TRANK1: variants seen among roughly 807,000 people sequenced by gnomAD.
TRANK1 encodes tetratricopeptide repeat and ankyrin repeat containing 1, also known as TPR and ankyrin repeat-containing protein 1.
Under a neutral mutation model 266.0 loss-of-function variants are expected in TRANK1, and 198 were observed. The observed-to-expected ratio is 0.74, with a 90% CI of 0.66 to 0.84. TRANK1 has a LOEUF of 0.84. Ranked by LOEUF, TRANK1 falls within the 40% of genes least tolerant of loss-of-function variation. TRANK1 has a pLI of 0.00. For synonymous variants in TRANK1, 1,396 were observed against 1,384.1 expected (o/e 1.01, Z -0.19); for missense variants, 3,326 against 3,634.6 (o/e 0.92, Z 2.18).
intron 22 of TRANK1, 93 bp downstream of exon 22, chr3:36,830,780 A>C: frequency 1.5e-6 from 2 of 1,378,790 alleles, no homozygotes; most frequent in South Asian, 1.5e-5. Context: ...ACCATCCCCA[A>C]GTCAGAAGCC....
chr3:36,839,145 G>A (rs2078809825), intron 18 of TRANK1, among the ~76,000 whole-genome samples: 1 of 152,174 alleles, frequency 6.6e-6, no homozygotes, highest in Admixed American at 6.6e-5. Context: ...ACTTTGCAGT[G>A]TTGGCAGAAC....
rs1395345508 is a variant in TRANK1 at position 36,831,529 on chromosome 3, G to C, written c.8054C>G (p.Pro2685Arg). The C allele has an allele frequency of 3.7e-6, 6 of 1,613,344 alleles. No homozygotes were observed. Among genetic ancestry groups the C allele is most frequent in the South Asian group, 2.2e-5 (2 of 90,954 alleles). Residue 2685 changes from proline to arginine, a missense_variant, in exon 22 of 24, where the codon CCT (proline) becomes CGT (arginine). Pro to Arg is a moderately radical substitution (Grantham distance 103). Coordinates refer to ENST00000645898, the MANE Select transcript of TRANK1 (RefSeq NM_001329998.2). This position sits in a 1 kb window ranked among gnomAD's most constrained non-coding sequence, Gnocchi z 5.0. ...CLDPVDYFAE[P>R]ECEFGQDEMD... ...CTCATCCTGGCCAAACTCACACTCAGGTTCAGCAAAGTAGTCCACAGGGTC... is the reference window on the plus strand; with the variant it reads ...CTCATCCTGGCCAAACTCACACTCACGTTCAGCAAAGTAGTCCACAGGGTC...
chr3:36,914,446 C>A, intron 1 of TRANK1, among the ~76,000 whole-genome samples: 1 of 104,224 alleles, frequency 9.6e-6, no homozygotes, highest in Admixed American at 1.1e-4. Context: ...CAGCTGGTGT[C>A]TTCCTTTTTT....
chr3:36,874,403 G>C, intron 8 of TRANK1, 107 bp from the exon 9 acceptor site: 1 of 1,230,856 alleles, frequency 8.1e-7, no homozygotes, highest in East Asian at 2.6e-5. Flanking sequence ...CAGGGCAAGA[G>C]GACTAGGGTC....
At chr3:36,886,200 T>A (rs2079603314) in intron 8 of TRANK1, among the ~76,000 whole-genome samples, 1 of 141,756 alleles carries the variant, frequency 7.1e-6, no homozygotes, top group African/African-American at 2.6e-5. Flanking sequence ...AGTGGCACAA[T>A]CTTAGCTCAC....
At chr3:36,933,384 C>G (rs2080385915) in intron 1 of TRANK1, among the ~76,000 whole-genome samples, 1 of 152,274 alleles carries the variant, frequency 6.6e-6, no homozygotes, top group Admixed American at 6.5e-5. Flanking sequence ...TAAGAATCCT[C>G]TGTTTGAGTG....
At chr3:36,944,663 C>T (rs2080547013) in intron 1 of TRANK1, 124 bp downstream of exon 1, 2 of 1,179,838 alleles carry the variant, frequency 1.7e-6, no homozygotes, top group Non-Finnish European at 2.3e-6. Context: ...CAGGGATGGC[C>T]GGGCGGGCCC....
intron 8 of TRANK1, among the ~76,000 whole-genome samples, chr3:36,882,441 G>A (rs959554703): frequency 4.6e-5 from 7 of 152,086 alleles, no homozygotes; most frequent in Non-Finnish European, 2.9e-5. Flanking sequence ...AATAAATAGT[G>A]CAGAGACAAA....
At chr3:36,942,783 CT>C (rs1326155754) in intron 1 of TRANK1, among the ~76,000 whole-genome samples, 3 of 151,828 alleles carry the variant, frequency 2.0e-5, no homozygotes, top group Non-Finnish European at 4.4e-5. Flanking sequence ...TCTCCTCATA[CT>C]CTGGGAGAGC....
chr3:36,896,529 T>C (rs2079792932), intron 4 of TRANK1, among the ~76,000 whole-genome samples: 1 of 152,180 alleles, frequency 6.6e-6, no homozygotes, highest in African/African-American at 2.4e-5. Flanking sequence ...CAAAAAGGAG[T>C]ACTTTGGTAA....
intron 6 of TRANK1, 27 bp downstream of exon 6, chr3:36,892,874 T>TAG (rs769755298): frequency 7.6e-5 from 63 of 824,550 alleles, no homozygotes; most frequent in South Asian, 5.3e-4. Flanking sequence ...TATATATAGA[T>TAG]ATATATAGAT....
chr3:36,906,133 C>T (rs1307818554), intron 2 of TRANK1, among the ~76,000 whole-genome samples: 1 of 152,222 alleles, frequency 6.6e-6, no homozygotes, highest in Non-Finnish European at 1.5e-5. Context: ...CTAGACCCAG[C>T]TCTGACACAA....
chr3:36,945,090 C>T, upstream of TRANK1: 4 of 425,848 alleles, frequency 9.4e-6, no homozygotes, highest in Non-Finnish European at 1.7e-5. Flanking sequence ...CAAAAACTGT[C>T]ACGTGCACGT....
chr3:36,906,428 C>A (rs1004762005), intron 2 of TRANK1, among the ~76,000 whole-genome samples: 1 of 152,210 alleles, frequency 6.6e-6, no homozygotes, highest in Non-Finnish European at 1.5e-5. Flanking sequence ...GGTGAAAATA[C>A]TTTCACAGTT....
chr3:36,895,716 T>C lies in TRANK1; in HGVS notation c.476A>G (p.His159Arg), dbSNP rs754727330. Residue 159 changes from histidine (H) to arginine (R), a missense_variant, in exon 5 of 24, where the codon CAT becomes CGT. Physicochemically the swap from His to Arg is conservative, Grantham distance 29. Transcript: ENST00000645898. ...TGTTGGGAATCCAGTTGTGAAAATA[T>C]GATCAAAGCAAGGCAAGAAACTTTG... ...VLQSFLPCFD[H>R]IFTTGFPTEV... is the part of the protein sequence containing the mutation. 5.9e-6 allele frequency: 9 copies of C among 1,536,084 alleles called. No homozygotes were observed. Among genetic ancestry groups the C allele is most frequent in the South Asian group, 3.6e-5 (3 of 83,552 alleles).
intron 1 of TRANK1, among the ~76,000 whole-genome samples, chr3:36,944,069 G>A (rs2080535480): frequency 6.6e-6 from 1 of 152,138 alleles, no homozygotes; most frequent in Non-Finnish European, 1.5e-5. Flanking sequence ...GAGACAGGGA[G>A]TTGGGAGGAA....
intron 1 of TRANK1, 96 bp from the exon 2 acceptor site, chr3:36,908,550 C>G: frequency 8.1e-7 from 1 of 1,231,362 alleles, no homozygotes; most frequent in Non-Finnish European, 1.0e-6. Context: ...GGAGTTCGCT[C>G]ACTATGGCCC....
chr3:36,877,913 G>A (rs867038899), intron 8 of TRANK1, among the ~76,000 whole-genome samples: 13 of 152,276 alleles, frequency 8.5e-5, no homozygotes, highest in Non-Finnish European at 1.6e-4. Context: ...TTAATACAAA[G>A]TTGTTTTTCC....
At chr3:36,852,595 T>C (rs531785845) in intron 13 of TRANK1, among the ~76,000 whole-genome samples, 81 of 151,958 alleles carry the variant, frequency 5.3e-4, no homozygotes, top group African/African-American at 1.9e-3. Flanking sequence ...CAACCTATAT[T>C]CATATTAGAG....
Sources: allele counts gnomAD v4.1 joint callset (sites outside exome capture counted in the v4.1 genomes callset), GRCh38; gene constraint gnomAD v4.1.1; non-coding constraint Gnocchi (gnomAD v3.1); transcripts MANE v1.5; gene names NCBI Gene and HGNC (gene_info 2026-07-23, HGNC 2026-07-21).